The following TP53BP2 variants were observed in gnomAD, a reference collection of about 807,000 sequenced individuals.
The protein encoded by TP53BP2 is apoptosis-stimulating of p53 protein 2.
A neutral mutation model predicts 126.2 loss-of-function variants in TP53BP2; 62 were observed. The observed-to-expected ratio is 0.49, with a 90% CI of 0.40 to 0.61. The LOEUF is 0.61. Among genes scored for constraint, TP53BP2 ranks in the 20% least tolerant of loss-of-function variants. TP53BP2 has a pLI of 0.00. For synonymous variants in TP53BP2, 485 were observed against 502.9 expected, an observed-to-expected ratio of 0.96 and a Z score of 0.48; for missense variants, 1,215 against 1,402.8, an observed-to-expected ratio of 0.87 and a Z score of 2.14.
intron 4 of TP53BP2, among the ~76,000 whole-genome samples, chr1:223,808,924 C>T (rs1286564820): frequency 6.6e-6 from 1 of 152,102 alleles, no homozygotes; most frequent in Admixed American, 6.5e-5. Flanking sequence ...GATACCACTA[C>T]ACATATATTT....
intron 1 of TP53BP2, among the ~76,000 whole-genome samples, chr1:223,830,871 G>A (rs1422910405): frequency 6.6e-6 from 1 of 152,212 alleles, no homozygotes; most frequent in Admixed American, 6.5e-5. Context: ...GGCCGAGGCA[G>A]GAGGATCACG....
intron 1 of TP53BP2, among the ~76,000 whole-genome samples, chr1:223,831,583 T>G (rs935354059): frequency 6.8e-6 from 1 of 147,280 alleles, no homozygotes; most frequent in Non-Finnish European, 1.5e-5. Flanking sequence ...CACTTTTAAA[T>G]TTTTAAAATC....
chr1:223,797,799 T>C (rs1173289388), intron 12 of TP53BP2, among the ~76,000 whole-genome samples: 2 of 152,044 alleles, frequency 1.3e-5, no homozygotes, highest in Non-Finnish European at 2.9e-5. Context: ...TGTGTATATA[T>C]ATCTATATAT....
In TP53BP2 at chr1:223,785,159, T is replaced by A. The variant is rs1153939; in HGVS notation, c.3164-845A>T. ...TAATAAAGTTCTCAGCAATTCAGAATTATTATTTTCACTTTTATAATTTTT... is the reference window on the plus strand; with the variant it reads ...TAATAAAGTTCTCAGCAATTCAGAAATATTATTTTCACTTTTATAATTTTT... On this transcript the variant is annotated intron_variant, in intron 16 of 17. Coordinates refer to ENST00000343537, the MANE Select transcript of TP53BP2 (RefSeq NM_001031685.3). Among the ~76,000 whole-genome samples the A allele has an allele frequency of 5.7e-3, 863 of 152,304 alleles. 12 individuals carry two copies. Among genetic ancestry groups the A allele is most frequent in the African/African-American group, 0.02 (826 of 41,576 alleles).
At position 223,798,404 on chromosome 1, in the gene TP53BP2, C is replaced by T; in HGVS notation, c.1759G>A (p.Ala587Thr). The change falls in exon 12 of 18, where the codon GCC (alanine) becomes ACC (threonine). Residue 587 changes from alanine to threonine, a missense_variant. Ala to Thr is a moderately conservative substitution (Grantham distance 58). This residue lies in a region of TP53BP2 where 814 missense variants were observed against 853.0 expected (regional missense o/e 0.95). Transcript: ENST00000343537. ...GGCTGGGGAGTAAAGGGCCGGACGG[C>T]AGCAGCAGGTGGACTTTCTTGCTTA... ...GSKQESPPAA[A>T]VRPFTPQPSK... The T allele has an allele frequency of 6.2e-7, 1 of 1,614,152 alleles. No individual in the cohort carries two copies. Among genetic ancestry groups the T allele is most frequent in the Non-Finnish European group, 8.5e-7 (1 of 1,180,048 alleles).
Position 223,798,680 on chromosome 1 carries a change from A to G in TP53BP2, c.1486-3T>C, listed in dbSNP as rs777654442. On this transcript the variant is annotated splice_polypyrimidine_tract_variant and splice_region_variant and intron_variant, in intron 11 of 17. Coordinates refer to ENST00000343537, the MANE Select transcript of TP53BP2 (RefSeq NM_001031685.3). ...TTAGCCACATTTTTATTTGCAACCT[A>G]TAACACACACATAAAAAGCCAGTTA... is the stretch of plus-strand genomic sequence containing the variant. The G allele has an allele frequency of 5.0e-6, 8 of 1,588,420 alleles. No individual in the cohort carries two copies. The highest frequency in any genetic ancestry group is 1.4e-5 in the African/African-American group (1 of 74,034).
intron 2 of TP53BP2, chr1:223,818,366 T>A (rs1663166134): frequency 6.6e-6 from 1 of 151,586 alleles, no homozygotes; most frequent in Non-Finnish European, 1.5e-5. Context: ...TTAGCTGGTG[T>A]GGTGGCGCGT....
intron 1 of TP53BP2, among the ~76,000 whole-genome samples, chr1:223,831,478 AAAATATATATATATATATAT>A (rs1374753624): frequency 1.7e-3 from 74 of 43,610 alleles, no homozygotes; most frequent in African/African-American, 5.3e-3. Flanking sequence ...AAAAAAAAAA[AAAATATATATATATATATAT>A]ATATATATAT....
chr1:223,817,164 T>TA (rs1310251290), intron 2 of TP53BP2, among the ~76,000 whole-genome samples: 3 of 139,672 alleles, frequency 2.1e-5, no homozygotes, highest in Non-Finnish European at 4.7e-5. Context: ...CTTGTCTCAA[T>TA]AAAAAAATAA....
intron 3 of TP53BP2, 120 bp downstream of exon 3, chr1:223,814,120 C>T: frequency 1.4e-6 from 1 of 693,130 alleles, no homozygotes; most frequent in Non-Finnish European, 2.5e-6. Context: ...TCCACTGTTT[C>T]CACTTCCTAA....
At chr1:223,845,389 G>A (rs909952188) in intron 1 of TP53BP2, 2 of 498,780 alleles carry the variant, frequency 4.0e-6, no homozygotes, top group African/African-American at 2.1e-5. Flanking sequence ...GGGCTCGCGG[G>A]CGGCTCGCCT....
chr1:223,799,663 T>C (rs1662463818), intron 11 of TP53BP2, among the ~76,000 whole-genome samples: 1 of 152,174 alleles, frequency 6.6e-6, no homozygotes. Flanking sequence ...TTATACTTTT[T>C]AGAGAATCAC....
intron 1 of TP53BP2, among the ~76,000 whole-genome samples, chr1:223,842,069 A>G (rs1266101860): frequency 6.6e-6 from 1 of 151,992 alleles, no homozygotes; most frequent in Non-Finnish European, 1.5e-5. Flanking sequence ...CCTCCTGAGT[A>G]GCTGGGATTA....
At chr1:223,793,496 G>A in intron 13 of TP53BP2, 56 bp from the exon 14 acceptor site, 1 of 1,431,624 alleles carries the variant, frequency 7.0e-7, no homozygotes, top group East Asian at 2.6e-5. Context: ...GAGAACAACA[G>A]CAGCAAATGG....
intron 1 of TP53BP2, among the ~76,000 whole-genome samples, chr1:223,844,381 C>T (rs762789802): frequency 6.6e-6 from 1 of 152,174 alleles, no homozygotes; most frequent in Non-Finnish European, 1.5e-5. Flanking sequence ...CTTGCTCCTA[C>T]TGTTAGGAAA....
chr1:223,844,766 C>T (rs1170831333), intron 1 of TP53BP2, among the ~76,000 whole-genome samples: 1 of 152,128 alleles, frequency 6.6e-6, no homozygotes, highest in African/African-American at 2.4e-5. Flanking sequence ...CACTCCATTC[C>T]ACAGACTTCA....
rs1479473235 is a variant in TP53BP2 at position 223,824,891 on chromosome 1, C to A, written c.28-3524G>T. 2.6e-5 allele frequency among the ~76,000 whole-genome samples: 4 copies of A among 151,978 alleles called. No homozygotes were observed. The East Asian group carries it at 7.7e-4, about 29-fold the overall frequency. On this transcript the variant is annotated intron_variant, in intron 1 of 17. Transcript: ENST00000343537. ...TCCCAGGTGGGAGCCTCTGTACTTG[C>A]TGTTCCTCTATTTGGAATGCGCTTC...
In TP53BP2 at chr1:223,810,560, A is replaced by G. The variant is rs754062353; in HGVS notation, c.290-47T>C. 61 of 1,288,878 alleles carry G rather than the reference A, an allele frequency of 4.7e-5. No individual in the cohort carries two copies. In the Admixed American group the frequency reaches 5.5e-4, roughly 12 times the overall value. 79.8% of individuals were successfully genotyped at this position (1,288,878 alleles called of 1,614,324 possible). Reference sequence around the variant, plus strand: ...TATGCATTAACACTAGAGTTGACAGATATTTTAAGAACCAGTTCATTTCTG... The same window carrying G: ...TATGCATTAACACTAGAGTTGACAGGTATTTTAAGAACCAGTTCATTTCTG... On this transcript the variant is annotated intron_variant, in intron 3 of 17. Coordinates refer to ENST00000343537, the MANE Select transcript of TP53BP2 (RefSeq NM_001031685.3).
rs1205477482 is a variant in TP53BP2 at position 223,802,913 on chromosome 1, GA to G, written c.832-19del. 3 of 1,611,090 alleles carry G rather than the reference GA, an allele frequency of 1.9e-6. No homozygotes were observed. The highest frequency in any genetic ancestry group is 1.3e-5 in the African/African-American group (1 of 74,684). ...TTTCTTAGCTGAATAAAAGAGAGGG[GA>G]AAAAAGGTAGCCAAGGAGTAGGAAG... On this transcript the variant is annotated intron_variant, in intron 7 of 17. Coordinates refer to ENST00000343537, the MANE Select transcript of TP53BP2 (RefSeq NM_001031685.3).
Sources: allele counts gnomAD v4.1 joint callset (sites outside exome capture counted in the v4.1 genomes callset), GRCh38; gene constraint gnomAD v4.1.1; regional missense constraint gnomAD v4.1.1; transcripts MANE v1.5; gene names NCBI Gene and HGNC (gene_info 2026-07-23, HGNC 2026-07-21).